The following STK32B variants were observed in gnomAD, a reference collection of about 807,000 sequenced individuals.
The protein encoded by STK32B is serine/threonine-protein kinase 32B.
In STK32B, 43 loss-of-function variants were observed where a neutral mutation model predicts 52.6. That is an observed-to-expected ratio of 0.82 (90% CI 0.64 to 1.05). The LOEUF (loss-of-function observed/expected upper bound fraction) is 1.05, where lower values mean the gene tolerates loss of function less well. Among genes scored for constraint, STK32B ranks in the 50% least tolerant of loss-of-function variants. The pLI is 0.00. For missense variants in STK32B, 621 were observed against 534.6 expected (o/e 1.16, Z -1.59); for synonymous variants, 238 against 204.3 (o/e 1.17, Z -1.41).
At chr4:5,235,703 C>T (rs1411830470) in intron 3 of STK32B, among the ~76,000 whole-genome samples, 1 of 152,204 alleles carries the variant, frequency 6.6e-6, no homozygotes, top group Non-Finnish European at 1.5e-5. Flanking sequence ...TCTGCTCCAG[C>T]CTCATTTTGC....
intron 3 of STK32B, among the ~76,000 whole-genome samples, chr4:5,174,560 C>A (rs4515106): frequency 0.38 from 58,211 of 151,970 alleles, 11,707 homozygotes; most frequent in East Asian, 0.49. Context: ...TTCACTTATG[C>A]AGCATAGTTT....
At chr4:5,297,569 A>C (rs907065719) in intron 3 of STK32B, among the ~76,000 whole-genome samples, 6 of 146,368 alleles carry the variant, frequency 4.1e-5, no homozygotes, top group African/African-American at 1.5e-4. Context: ...TGATTCTGCT[A>C]TTTATACTTG....
In STK32B at chr4:5,280,803, G is replaced by A. The variant is rs149250778; in HGVS notation, c.261-50417G>A. Among the ~76,000 whole-genome samples, 210 of 152,210 alleles carry A rather than the reference G, an allele frequency of 1.4e-3. 3 individuals are homozygous for A. The highest frequency in any genetic ancestry group is 3.3e-3 in the South Asian group (16 of 4,812). On this transcript the variant is annotated intron_variant, in intron 3 of 11. Coordinates refer to ENST00000282908, the MANE Select transcript of STK32B (RefSeq NM_018401.3). ...AATCCCAGCTACTTGGGAGACTGAG[G>A]CAGGAGAATCACTTGAGCCCAGAAG...
intron 11 of STK32B, among the ~76,000 whole-genome samples, chr4:5,481,955 G>A (rs1428322725): frequency 6.6e-6 from 1 of 152,074 alleles, no homozygotes; most frequent in Non-Finnish European, 1.5e-5. Flanking sequence ...TCTCTGTTTT[G>A]GTACCAGTAC....
At chr4:5,334,496 C>G (rs561885957) in intron 4 of STK32B, among the ~76,000 whole-genome samples, 3 of 152,152 alleles carry the variant, frequency 2.0e-5, no homozygotes, top group African/African-American at 7.2e-5. Flanking sequence ...TTGCCCTGGC[C>G]AGAACTTCCA....
chr4:5,040,235 A>G, the STK32B span, among the ~76,000 whole-genome samples: 1 of 152,200 alleles, frequency 6.6e-6, no homozygotes, highest in African/African-American at 2.4e-5. Context: ...ATTTGTAAAA[A>G]GAAAGAAGGG....
chr4:5,494,149 T>C (rs1719993573), intron 11 of STK32B, among the ~76,000 whole-genome samples: 2 of 152,176 alleles, frequency 1.3e-5, no homozygotes, highest in Admixed American at 6.5e-5. Context: ...ACTTTCTGTC[T>C]CGTTGATCTG....
At chr4:5,226,586 A>G (rs1723889418) in intron 3 of STK32B, among the ~76,000 whole-genome samples, 1 of 152,124 alleles carries the variant, frequency 6.6e-6, no homozygotes, top group African/African-American at 2.4e-5. Flanking sequence ...CTCATTAGTC[A>G]CTTAGGAGCA....
chr4:5,183,288 ACCAGCATGGAGAAAC>A (rs1720495687), intron 3 of STK32B, among the ~76,000 whole-genome samples: 1 of 151,970 alleles, frequency 6.6e-6, no homozygotes, highest in Non-Finnish European at 1.5e-5. Flanking sequence ...GACCAGCCTG[ACCAGCATGGAGAAAC>A]CCCATCTCTA....
intron 4 of STK32B, among the ~76,000 whole-genome samples, chr4:5,379,912 C>T (rs1735831316): frequency 1.3e-5 from 2 of 152,190 alleles, no homozygotes; most frequent in African/African-American, 2.4e-5. Context: ...ACTTTGGGAT[C>T]ACCTTGCTTT....
intron 11 of STK32B, among the ~76,000 whole-genome samples, chr4:5,486,046 G>C (rs1207986862): frequency 1.3e-5 from 2 of 152,186 alleles, no homozygotes. Context: ...GGACCCACTT[G>C]AGGAGGCAGT....
chr4:5,176,267 G>A (rs756685326), intron 3 of STK32B, among the ~76,000 whole-genome samples: 17 of 152,024 alleles, frequency 1.1e-4, no homozygotes, highest in South Asian at 4.2e-4. Flanking sequence ...GCGATGCCTC[G>A]CCCTGCTTTG....
chr4:5,484,954 A>C (rs1719026667), intron 11 of STK32B, among the ~76,000 whole-genome samples: 1 of 152,176 alleles, frequency 6.6e-6, no homozygotes, highest in African/African-American at 2.4e-5. Context: ...CTGCCTAGCG[A>C]TCAGCTGTTA....
At chr4:5,036,184 G>T in the STK32B span, among the ~76,000 whole-genome samples, 1 of 152,222 alleles carries the variant, frequency 6.6e-6, no homozygotes, top group South Asian at 2.1e-4. Flanking sequence ...TGTGTAAAGA[G>T]AGAATAATAC....
chr4:5,366,010 C>T (rs886365495), intron 4 of STK32B, among the ~76,000 whole-genome samples: 1 of 151,796 alleles, frequency 6.6e-6, no homozygotes, highest in Non-Finnish European at 1.5e-5. Flanking sequence ...ACTCTGGATA[C>T]TTCCTCCTGC....
At chr4:5,234,002 C>T (rs75185450) in intron 3 of STK32B, among the ~76,000 whole-genome samples, 1,649 of 152,168 alleles carry the variant, frequency 0.011, 24 homozygotes, top group African/African-American at 0.034. Flanking sequence ...GGGACTCCCT[C>T]TTGCCCTGAC....
chr4:5,224,422 T>C (rs1199359512), intron 3 of STK32B, among the ~76,000 whole-genome samples: 1 of 152,230 alleles, frequency 6.6e-6, no homozygotes, highest in Non-Finnish European at 1.5e-5. Context: ...CTGGAATTGC[T>C]TCTGGAGACA....
At chr4:5,393,808 C>T (rs1267438358) in intron 4 of STK32B, among the ~76,000 whole-genome samples, 2 of 152,154 alleles carry the variant, frequency 1.3e-5, no homozygotes, top group African/African-American at 4.8e-5. Context: ...CTATCACTCA[C>T]CCAGGGCAGC....
intron 3 of STK32B, among the ~76,000 whole-genome samples, chr4:5,294,384 A>G (rs867236219): frequency 2.0e-5 from 3 of 152,064 alleles, no homozygotes; most frequent in East Asian, 1.9e-4. Flanking sequence ...TTTTCATGAT[A>G]TTGATTCTTC....
Sources: gnomAD v4.1 joint callset for allele counts (sites outside exome capture counted in the v4.1 genomes callset) on GRCh38, gnomAD v4.1.1 for gene constraint, MANE v1.5 for transcripts, NCBI Gene and HGNC (gene_info 2026-07-23, HGNC 2026-07-21) for gene names.